Variants in FBXL17 observed in about 807,000 individuals in gnomAD.
FBXL17 encodes the protein F-box/LRR-repeat protein 17.
FBXL17 carries 22 observed loss-of-function variants against 66.2 expected under a neutral mutation model. The observed-to-expected ratio is 0.33, with a 90% confidence interval of 0.24 to 0.47. The LOEUF (loss-of-function observed/expected upper bound fraction) is 0.47, where lower values mean the gene tolerates loss of function less well. Ranked by LOEUF, FBXL17 falls within the 20% of genes least tolerant of loss-of-function variation. The pLI, the probability that FBXL17 is intolerant of heterozygous loss-of-function variation, is 1.00. For synonymous variants in FBXL17, 474 were observed against 400.5 expected (o/e 1.18, Z -2.19); for missense variants, 878 against 948.2 (o/e 0.93, Z 0.97).
chr5:107,887,080 A>G (rs1208100933), intron 7 of FBXL17, among the ~76,000 whole-genome samples: 1 of 152,200 alleles, frequency 6.6e-6, no homozygotes, highest in Non-Finnish European at 1.5e-5. Flanking sequence ...TAATTGTTTC[A>G]GTGTTAATTT....
intron 7 of FBXL17, 72 bp downstream of exon 7, chr5:108,020,848 ATTTCT>A: frequency 9.6e-7 from 1 of 1,037,488 alleles, no homozygotes; most frequent in Non-Finnish European, 1.5e-6. Flanking sequence ...ATAGTTCTTG[ATTTCT>A]TTTTAAGAAC....
intron 7 of FBXL17, among the ~76,000 whole-genome samples, chr5:108,009,155 T>C (rs1445096066): frequency 7.7e-6 from 1 of 130,662 alleles, no homozygotes; most frequent in Middle Eastern, 3.8e-3. Flanking sequence ...GCAGGCAAAA[T>C]GTATATTATA....
intron 5 of FBXL17, among the ~76,000 whole-genome samples, chr5:108,206,126 C>T (rs774602792): frequency 2.6e-5 from 4 of 152,010 alleles, no homozygotes; most frequent in Non-Finnish European, 4.4e-5. Flanking sequence ...ATCATTGCCT[C>T]GGTCCATTAT....
intron 1 of FBXL17, among the ~76,000 whole-genome samples, chr5:108,368,931 A>AAG (rs71624895): frequency 1.3e-5 from 2 of 150,824 alleles, no homozygotes; most frequent in African/African-American, 2.4e-5. Context: ...AAAAAAAAAA[A>AAG]GCTACATACT....
chr5:108,184,218 A>G (rs1753129597), intron 6 of FBXL17, among the ~76,000 whole-genome samples: 1 of 152,156 alleles, frequency 6.6e-6, no homozygotes, highest in South Asian at 2.1e-4. Context: ...ACTTAAGGCC[A>G]GTAGTTTGAC....
At chr5:108,252,958 C>T (rs1239818004) in intron 4 of FBXL17, among the ~76,000 whole-genome samples, 1 of 152,096 alleles carries the variant, frequency 6.6e-6, no homozygotes, top group Non-Finnish European at 1.5e-5. Flanking sequence ...GTTCTGAGGC[C>T]CCCAAGTAGA....
At chr5:108,086,535 T>C (rs1004486990) in intron 6 of FBXL17, among the ~76,000 whole-genome samples, 1 of 152,164 alleles carries the variant, frequency 6.6e-6, no homozygotes, top group African/African-American at 2.4e-5. Context: ...CTGACTTTTT[T>C]AATAGGAATG....
intron 6 of FBXL17, among the ~76,000 whole-genome samples, chr5:108,131,026 T>C (rs1008402110): frequency 1.3e-5 from 2 of 152,138 alleles, no homozygotes; most frequent in East Asian, 3.8e-4. Context: ...AGTTTTCATA[T>C]ACATCTCTAA....
intron 6 of FBXL17, among the ~76,000 whole-genome samples, chr5:108,148,233 TAGTG>T (rs1392595409): frequency 1.3e-5 from 2 of 150,638 alleles, no homozygotes; most frequent in Non-Finnish European, 1.5e-5. Context: ...TATATTAAAA[TAGTG>T]AGTGTAATCA....
At chr5:107,872,620 T>A (rs1226693362) in intron 8 of FBXL17, among the ~76,000 whole-genome samples, 3 of 152,150 alleles carry the variant, frequency 2.0e-5, no homozygotes, top group African/African-American at 7.2e-5. Flanking sequence ...GCCACTGTGG[T>A]AGGTCCTGGT....
In FBXL17 at chr5:108,364,769, T is replaced by A. The variant is rs1304871139; in HGVS notation, c.1343A>T (p.Gln448Leu). 1.9e-6 allele frequency: 3 copies of A among 1,612,706 alleles called. 1 individual carries two copies. The South Asian group carries it at 3.3e-5, about 18-fold the overall frequency. ...PLLQKVHVGN[Q>L]DKLTDEGLKQ... The stretch of plus-strand genomic sequence containing the variant: ...GAGTCCTTCATCAGTGAGTTTGTCC[T>A]GGTTGCCTACATGCACTTTCTGAAG... Residue 448 changes from glutamine (Q) to leucine (L), a missense_variant, in exon 3 of 9, where the codon CAG becomes CTG. Coordinates refer to ENST00000542267, the MANE Select transcript of FBXL17 (RefSeq NM_001163315.3).
chr5:108,374,454 T>G (rs1287288000), intron 1 of FBXL17, among the ~76,000 whole-genome samples: 1 of 152,150 alleles, frequency 6.6e-6, no homozygotes, highest in African/African-American at 2.4e-5. Flanking sequence ...GGCAGATCAC[T>G]TGAGCCCAGG....
intron 4 of FBXL17, among the ~76,000 whole-genome samples, chr5:108,318,366 A>C (rs1759467821): frequency 6.8e-6 from 1 of 147,494 alleles, no homozygotes; most frequent in South Asian, 2.1e-4. Flanking sequence ...CATACTTTAC[A>C]CTGTGCTATA....
chr5:108,357,611 G>T (rs1389899132), intron 3 of FBXL17, among the ~76,000 whole-genome samples: 2 of 151,272 alleles, frequency 1.3e-5, no homozygotes, highest in East Asian at 3.9e-4. Flanking sequence ...AAATTTAAAA[G>T]AATAAAAATT....
At chr5:108,008,436 G>C (rs1754021009) in intron 7 of FBXL17, among the ~76,000 whole-genome samples, 1 of 152,114 alleles carries the variant, frequency 6.6e-6, no homozygotes, top group Non-Finnish European at 1.5e-5. Context: ...AAGTACATTT[G>C]CCTCAACATA....
At chr5:107,930,432 A>T (rs1750691027) in intron 7 of FBXL17, among the ~76,000 whole-genome samples, 1 of 152,180 alleles carries the variant, frequency 6.6e-6, no homozygotes, top group Non-Finnish European at 1.5e-5. Flanking sequence ...TTCTCTGACA[A>T]TCCTATGTAA....
intron 6 of FBXL17, among the ~76,000 whole-genome samples, chr5:108,176,910 C>T (rs999539744): frequency 5.3e-5 from 8 of 152,086 alleles, no homozygotes; most frequent in African/African-American, 1.4e-4. Flanking sequence ...AGCAAAATAT[C>T]ATCAATTATT....
intron 6 of FBXL17, among the ~76,000 whole-genome samples, chr5:108,161,728 T>A (rs1752226810): frequency 1.3e-5 from 2 of 152,222 alleles, no homozygotes; most frequent in Admixed American, 6.5e-5. Context: ...TTGGTTGCAA[T>A]AGGAATTTTT....
Position 108,129,554 on chromosome 5 carries a change from C to T in FBXL17, c.1745+56563G>A, listed in dbSNP as rs201699351. Among the ~76,000 whole-genome samples the T allele has an allele frequency of 3.9e-5, 6 of 152,088 alleles. No individual in the cohort carries two copies. The East Asian group carries it at 5.8e-4, about 15-fold the overall frequency. ...TTTGCAGATTTAACCTTAATATTTT[C>T]TATACAGTGAAAACGAGTCAAAAGA... On this transcript the variant is annotated intron_variant, in intron 6 of 8. Coordinates refer to ENST00000542267, the MANE Select transcript of FBXL17 (RefSeq NM_001163315.3).
Sources: allele counts gnomAD v4.1 joint callset (sites outside exome capture counted in the v4.1 genomes callset), GRCh38; gene constraint gnomAD v4.1.1; transcripts MANE v1.5; gene names NCBI Gene and HGNC (gene_info 2026-07-23, HGNC 2026-07-21).